The following SCLT1 variants were observed in gnomAD, a reference collection of about 807,000 sequenced individuals.
SCLT1 encodes sodium channel and clathrin linker 1.
In SCLT1, 78 loss-of-function variants were observed where a neutral mutation model predicts 112.8. The ratio of observed to expected loss-of-function variants is 0.69; its 90% confidence interval spans 0.58 to 0.83. The LOEUF (loss-of-function observed/expected upper bound fraction) is 0.83, where lower values mean the gene tolerates loss of function less well. Among genes scored for constraint, SCLT1 ranks in the 40% least tolerant of loss-of-function variants. The pLI is 0.00. For synonymous variants in SCLT1, 257 were observed against 254.7 expected (o/e 1.01, Z -0.09); for missense variants, 747 against 770.4 (o/e 0.97, Z 0.36).
chr4:128,901,539 GA>G (rs1191191091), intron 18 of SCLT1, among the ~76,000 whole-genome samples: 4 of 143,102 alleles, frequency 2.8e-5, no homozygotes, highest in African/African-American at 1.1e-4. Flanking sequence ...TGGGGGGGGG[GA>G]GGGATAGCAT....
chr4:128,949,948 G>A (rs955363803), intron 14 of SCLT1, among the ~76,000 whole-genome samples: 4 of 145,532 alleles, frequency 2.7e-5, no homozygotes, highest in African/African-American at 1.0e-4. Context: ...TAGAAGAAGT[G>A]TATTTCAATA....
rs151072421 is a variant in SCLT1, at chr4:129,023,944, G to A, written c.290+15097C>T. On this transcript the variant is annotated intron_variant, in intron 5 of 20. Coordinates refer to ENST00000281142, the MANE Select transcript of SCLT1 (RefSeq NM_144643.4). The stretch of plus-strand genomic sequence containing the variant: ...CGGAGTCTCGCTGATTGCTAGCACA[G>A]CAGTATTGAGATCAAACTGCAAGGC... 9.5e-3 allele frequency among the ~76,000 whole-genome samples: 1,454 copies of A among 152,328 alleles called. 16 individuals carry two copies. Among genetic ancestry groups the A allele is most frequent in the African/African-American group, 0.028 (1,168 of 41,578 alleles).
At chr4:129,080,764 T>G (rs1052155246) in intron 2 of SCLT1, among the ~76,000 whole-genome samples, 1 of 152,196 alleles carries the variant, frequency 6.6e-6, no homozygotes, top group Admixed American at 6.5e-5. Flanking sequence ...GCCCATTCAC[T>G]GGTACAAATT....
chr4:128,917,754 C>CTCTTT, intron 18 of SCLT1, among the ~76,000 whole-genome samples: 2 of 152,226 alleles, frequency 1.3e-5, no homozygotes, highest in East Asian at 1.9e-4. Context: ...ATGAGAAAAG[C>CTCTTT]TAACAGAATC....
chr4:128,943,243 G>A, intron 16 of SCLT1, 55 bp from the exon 17 acceptor site: 1 of 1,241,958 alleles, frequency 8.1e-7, no homozygotes, highest in South Asian at 1.4e-5. Context: ...TATAGTAGAA[G>A]ATAAAAGTCT....
At chr4:129,040,353 T>C in intron 4 of SCLT1, 2 of 576,698 alleles carry the variant, frequency 3.5e-6, no homozygotes, top group Non-Finnish European at 6.3e-6. Flanking sequence ...GGTTTGGATT[T>C]ATTGTAGCCA....
intron 18 of SCLT1, among the ~76,000 whole-genome samples, chr4:128,895,192 A>G (rs556504452): frequency 3.3e-5 from 5 of 152,294 alleles, no homozygotes; most frequent in African/African-American, 9.6e-5. Context: ...GGGCAAATGA[A>G]TGTACTCAAC....
At chr4:129,016,373 T>C (rs1489439748) in intron 5 of SCLT1, among the ~76,000 whole-genome samples, 4 of 152,286 alleles carry the variant, frequency 2.6e-5, no homozygotes, top group East Asian at 1.9e-4. Context: ...CCTGTGTCCA[T>C]GTATTCTCAT....
At chr4:128,938,583 T>G (rs1737408291) in intron 17 of SCLT1, among the ~76,000 whole-genome samples, 1 of 152,174 alleles carries the variant, frequency 6.6e-6, no homozygotes, top group Non-Finnish European at 1.5e-5. Context: ...CTCCTTCCCT[T>G]CCTTAATCTT....
intron 13 of SCLT1, among the ~76,000 whole-genome samples, chr4:128,955,765 T>G (rs551470727): frequency 6.6e-6 from 1 of 152,354 alleles, no homozygotes; most frequent in South Asian, 2.1e-4. Context: ...ATACATATTT[T>G]CCATTTCTTT....
chr4:129,070,903 T>G (rs62316978), intron 2 of SCLT1, among the ~76,000 whole-genome samples: 84,308 of 151,906 alleles, frequency 0.56, 25,481 homozygotes, highest in South Asian at 0.68. Context: ...TTTTGATGTA[T>G]GTGTTTAGAG....
chr4:128,923,283 T>C (rs958614870), intron 18 of SCLT1, among the ~76,000 whole-genome samples: 2 of 151,908 alleles, frequency 1.3e-5, no homozygotes, highest in African/African-American at 2.4e-5. Context: ...CCGTCTCTAC[T>C]AAAAATACAA....
At chr4:129,001,558 A>G (rs1455729277) in intron 6 of SCLT1, among the ~76,000 whole-genome samples, 1 of 152,118 alleles carries the variant, frequency 6.6e-6, no homozygotes, top group Non-Finnish European at 1.5e-5. Flanking sequence ...AGTTCTTTAG[A>G]ACAAATTCAT....
At chr4:128,888,255 C>T (rs1047941947) in intron 20 of SCLT1, among the ~76,000 whole-genome samples, 2 of 150,338 alleles carry the variant, frequency 1.3e-5, no homozygotes, top group Non-Finnish European at 3.0e-5. Context: ...CTCACTCTGT[C>T]CGCCAGGCTG....
intron 5 of SCLT1, among the ~76,000 whole-genome samples, chr4:129,030,512 T>C (rs1237067520): frequency 1.3e-5 from 2 of 152,014 alleles, no homozygotes; most frequent in Non-Finnish European, 2.9e-5. Context: ...AAAAAATGAA[T>C]GAATCCAGGA....
intron 9 of SCLT1, among the ~76,000 whole-genome samples, chr4:128,989,082 A>G (rs1742343680): frequency 6.6e-6 from 1 of 151,932 alleles, no homozygotes; most frequent in South Asian, 2.1e-4. Flanking sequence ...TACATAGAAT[A>G]CCAACAAAGA....
intron 2 of SCLT1, among the ~76,000 whole-genome samples, chr4:129,044,441 C>T (rs562767175): frequency 6.6e-6 from 1 of 151,676 alleles, no homozygotes; most frequent in South Asian, 2.1e-4. Flanking sequence ...CACGAAAAGT[C>T]ACCAGACAGA....
intron 2 of SCLT1, among the ~76,000 whole-genome samples, chr4:129,070,258 A>C (rs186327690): frequency 3.9e-5 from 6 of 152,276 alleles, no homozygotes; most frequent in Admixed American, 3.9e-4. Flanking sequence ...TAATAGTGTG[A>C]TGCTGGCTTC....
chr4:129,032,405 A>G (rs564059814), intron 5 of SCLT1, among the ~76,000 whole-genome samples: 1 of 152,320 alleles, frequency 6.6e-6, no homozygotes, highest in East Asian at 1.9e-4. Context: ...AACCCAGGCA[A>G]TACCATTCAG....
Sources: gnomAD v4.1 joint callset for allele counts (sites outside exome capture counted in the v4.1 genomes callset) on GRCh38, gnomAD v4.1.1 for gene constraint, MANE v1.5 for transcripts, NCBI Gene and HGNC (gene_info 2026-07-23, HGNC 2026-07-21) for gene names.